Variants in MNAT1 observed in about 807,000 individuals in gnomAD.
MNAT1 encodes CDK-activating kinase assembly factor MAT1.
In MNAT1, 43 loss-of-function variants were observed where a neutral mutation model predicts 42.0. The ratio of observed to expected loss-of-function variants is 1.02; its 90% CI spans 0.80 to 1.32. The LOEUF (loss-of-function observed/expected upper bound fraction) is 1.32. MNAT1 is among the 40% of genes most tolerant of loss of function. The probability of loss-of-function intolerance (pLI) is 0.00; values close to 1 mark genes in which losing one functional copy is unlikely to be tolerated. For synonymous variants in MNAT1, 118 were observed against 120.0 expected (o/e 0.98, Z 0.11); for missense variants, 306 against 350.4 (o/e 0.87, Z 1.01).
At position 60,912,971 on chromosome 14, in the gene MNAT1, T is replaced by C. The variant is rs1392758745; in HGVS notation, c.809+33136T>C. ...GTCACTTTCAGGTACACCAATTAGA[T>C]GTACATTTGGTCTTTTCACATAGTC... On this transcript the variant is annotated intron_variant, in intron 7 of 7. Coordinates refer to ENST00000261245, the MANE Select transcript of MNAT1 (RefSeq NM_002431.4). Among the ~76,000 whole-genome samples, 5 of 152,236 alleles carry C rather than the reference T, an allele frequency of 3.3e-5. No individual in the cohort carries two copies. The East Asian group carries it at 9.6e-4, about 29-fold the overall frequency.
chr14:60,943,826 G>T (rs1382253731), intron 7 of MNAT1, among the ~76,000 whole-genome samples: 1 of 152,068 alleles, frequency 6.6e-6, no homozygotes, highest in Non-Finnish European at 1.5e-5. Flanking sequence ...TTAAAACAAG[G>T]TTAACTCCAT....
intron 1 of MNAT1, among the ~76,000 whole-genome samples, chr14:60,794,660 A>AAATATAT (rs1555375163): frequency 1.0e-4 from 3 of 28,632 alleles, no homozygotes; most frequent in African/African-American, 4.3e-4. Flanking sequence ...AAAAAAAAAA[A>AAATATAT]ATATATATAT....
intron 7 of MNAT1, among the ~76,000 whole-genome samples, chr14:60,893,071 A>G (rs4151315): frequency 0.071 from 10,861 of 152,114 alleles, 517 homozygotes; most frequent in Non-Finnish European, 0.11. Flanking sequence ...AAATCTTACA[A>G]TGTTATACCT....
At chr14:60,749,688 G>A (rs2029989029) in intron 1 of MNAT1, among the ~76,000 whole-genome samples, 2 of 152,104 alleles carry the variant, frequency 1.3e-5, no homozygotes, top group Admixed American at 6.5e-5. Context: ...GTTATTTTCA[G>A]TAGTCTATGT....
chr14:60,783,833 A>G (rs1164381667), intron 1 of MNAT1, among the ~76,000 whole-genome samples: 2 of 151,376 alleles, frequency 1.3e-5, no homozygotes, highest in East Asian at 3.9e-4. Flanking sequence ...AGAGCAAAAT[A>G]TTTACGTATT....
intron 1 of MNAT1, among the ~76,000 whole-genome samples, chr14:60,742,051 C>G (rs1230109578): frequency 1.3e-5 from 2 of 151,386 alleles, no homozygotes; most frequent in African/African-American, 4.8e-5. Flanking sequence ...AAGTATTGGC[C>G]TATTAGCCGG....
chr14:60,905,715 G>A (rs1483938656), intron 7 of MNAT1, among the ~76,000 whole-genome samples: 1 of 152,226 alleles, frequency 6.6e-6, no homozygotes, highest in Non-Finnish European at 1.5e-5. Context: ...CAAGGACAGA[G>A]TAAATGTCCC....
rs192449170 is a variant in MNAT1, at chr14:60,934,120, G to A, written c.810-34109G>A. 3.3e-5 allele frequency among the ~76,000 whole-genome samples: 5 copies of A among 152,284 alleles called. No individual in the cohort carries two copies. The East Asian group carries it at 9.7e-4, about 29-fold the overall frequency. On this transcript the variant is annotated intron_variant, in intron 7 of 7. Transcript: ENST00000261245. ...GTTTCAGAAGTTCAAAGTCCAAGTTGTTGACAATTCATTCGTAGAGATGCT... is the reference window on the plus strand; with the variant it reads ...GTTTCAGAAGTTCAAAGTCCAAGTTATTGACAATTCATTCGTAGAGATGCT...
intron 6 of MNAT1, among the ~76,000 whole-genome samples, chr14:60,879,290 C>T: frequency 6.6e-6 from 1 of 152,126 alleles, no homozygotes. Flanking sequence ...TGGTCTTATG[C>T]TTCTTTGTGC....
At chr14:60,903,865 G>GTTTTTT (rs35825181) in intron 7 of MNAT1, among the ~76,000 whole-genome samples, 8 of 115,740 alleles carry the variant, frequency 6.9e-5, no homozygotes, top group East Asian at 2.6e-4. Context: ...ACCCATGTAA[G>GTTTTTT]TTTTTTTTTT....
chr14:60,899,146 A>G (rs2035024095), intron 7 of MNAT1, among the ~76,000 whole-genome samples: 1 of 152,170 alleles, frequency 6.6e-6, no homozygotes, highest in African/African-American at 2.4e-5. Flanking sequence ...AATTTCATGT[A>G]GAGCTTGTCT....
intron 6 of MNAT1, among the ~76,000 whole-genome samples, chr14:60,834,075 G>A (rs980979196): frequency 2.0e-5 from 3 of 151,834 alleles, no homozygotes; most frequent in Admixed American, 1.3e-4. Flanking sequence ...TTGTTTATTA[G>A]TCTGGATAAT....
At chr14:60,743,135 A>G (rs922060109) in intron 1 of MNAT1, among the ~76,000 whole-genome samples, 2 of 152,146 alleles carry the variant, frequency 1.3e-5, no homozygotes, top group Non-Finnish European at 2.9e-5. Flanking sequence ...TGCTTGTTAT[A>G]GTTGTCTTTT....
intron 6 of MNAT1, among the ~76,000 whole-genome samples, chr14:60,831,739 T>C (rs1262094286): frequency 6.6e-6 from 1 of 152,230 alleles, no homozygotes; most frequent in Non-Finnish European, 1.5e-5. Flanking sequence ...TCTAGATCCT[T>C]GAGGAATTGC....
At chr14:60,923,646 A>G (rs964854934) in intron 7 of MNAT1, among the ~76,000 whole-genome samples, 18 of 152,054 alleles carry the variant, frequency 1.2e-4, no homozygotes, top group Non-Finnish European at 7.4e-5. Context: ...TTTTTATGTG[A>G]TCTTCTAATT....
At chr14:60,815,136 ATG>A (rs2032671483) in intron 5 of MNAT1, among the ~76,000 whole-genome samples, 2 of 152,124 alleles carry the variant, frequency 1.3e-5, no homozygotes, top group African/African-American at 2.4e-5. Context: ...TTAACATTTT[ATG>A]TTCCATCTAA....
chr14:60,946,669 A>G (rs765377304), intron 7 of MNAT1, among the ~76,000 whole-genome samples: 28 of 151,982 alleles, frequency 1.8e-4, no homozygotes, highest in Non-Finnish European at 3.7e-4. Context: ...TGTGTATGGT[A>G]GGCTCTTTTT....
At chr14:60,912,620 T>G (rs1424300669) in intron 7 of MNAT1, among the ~76,000 whole-genome samples, 2 of 152,208 alleles carry the variant, frequency 1.3e-5, no homozygotes, top group African/African-American at 4.8e-5. Context: ...GGTTGAAAAT[T>G]CTTTTCTTTA....
intron 4 of MNAT1, among the ~76,000 whole-genome samples, chr14:60,811,693 G>T (rs2032550743): frequency 6.6e-6 from 1 of 152,038 alleles, no homozygotes; most frequent in Admixed American, 6.6e-5. Flanking sequence ...ATACCTTACT[G>T]CCTCTAGTCA....
Sources: allele counts gnomAD v4.1 joint callset (sites outside exome capture counted in the v4.1 genomes callset), GRCh38; gene constraint gnomAD v4.1.1; transcripts MANE v1.5; gene names NCBI Gene and HGNC (gene_info 2026-07-23, HGNC 2026-07-21).